The following TMEM117 variants were observed in gnomAD, a reference collection of about 807,000 sequenced individuals.
TMEM117 encodes the protein transmembrane protein 117.
Under a neutral mutation model 52.4 loss-of-function variants are expected in TMEM117, and 27 were observed. The observed-to-expected ratio is 0.51, with a 90% CI of 0.38 to 0.71. The LOEUF (loss-of-function observed/expected upper bound fraction) is 0.71, where lower values mean the gene tolerates loss of function less well. Among genes scored for constraint, TMEM117 ranks in the 30% least tolerant of loss-of-function variants. TMEM117 has a pLI of 0.00. For missense variants in TMEM117, 556 were observed against 630.5 expected, an observed-to-expected ratio of 0.88 and a Z score of 1.26; for synonymous variants, 215 against 206.3, an observed-to-expected ratio of 1.04 and a Z score of -0.36.
intron 2 of TMEM117, among the ~76,000 whole-genome samples, chr12:43,914,438 TA>T (rs1466473500): frequency 3.9e-5 from 6 of 152,192 alleles, no homozygotes; most frequent in Admixed American, 3.3e-4. Flanking sequence ...TTGAATGAAC[TA>T]ATTCATTTCA....
chr12:44,226,720 GAC>G (rs1304033103), intron 5 of TMEM117, among the ~76,000 whole-genome samples: 2 of 152,040 alleles, frequency 1.3e-5, no homozygotes, highest in South Asian at 2.1e-4. Flanking sequence ...TTAGGATACA[GAC>G]ACACACAGAG....
chr12:43,845,016 T>C (rs1409767118), intron 2 of TMEM117, 88 bp downstream of exon 2: 23 of 1,471,030 alleles, frequency 1.6e-5, no homozygotes, highest in East Asian at 9.1e-5. Flanking sequence ...TAAGTGCCAA[T>C]GTAGGAGGCA....
intron 3 of TMEM117, among the ~76,000 whole-genome samples, chr12:44,015,083 A>G (rs1279475990): frequency 6.6e-6 from 1 of 152,172 alleles, no homozygotes; most frequent in Non-Finnish European, 1.5e-5. Flanking sequence ...GAGATTTGAG[A>G]CACAGATGAT....
chr12:43,921,287 C>T (rs1163228188), intron 2 of TMEM117, among the ~76,000 whole-genome samples: 1 of 152,200 alleles, frequency 6.6e-6, no homozygotes. Context: ...TATACTCAAA[C>T]AGAGAGTCAA....
intron 3 of TMEM117, among the ~76,000 whole-genome samples, chr12:43,999,578 G>A (rs1336702024): frequency 6.6e-6 from 1 of 152,154 alleles, no homozygotes; most frequent in Non-Finnish European, 1.5e-5. Flanking sequence ...CTGGGCGGAA[G>A]TGTTTCCTAC....
chr12:44,120,234 C>T (rs770164315), intron 3 of TMEM117, among the ~76,000 whole-genome samples: 10 of 151,858 alleles, frequency 6.6e-5, no homozygotes, highest in South Asian at 4.2e-4. Context: ...ATCATTTTCC[C>T]GATGGCTGTC....
intron 2 of TMEM117, among the ~76,000 whole-genome samples, chr12:43,888,070 A>G (rs1315872272): frequency 6.6e-6 from 1 of 152,206 alleles, no homozygotes; most frequent in East Asian, 1.9e-4. Context: ...GTATAATACA[A>G]AAGTCTAGGT....
intron 4 of TMEM117, among the ~76,000 whole-genome samples, chr12:44,206,829 G>A (rs1394257334): frequency 6.6e-6 from 1 of 152,086 alleles, no homozygotes. Context: ...GAGGGTGAGA[G>A]GAGGGTGAGG....
At chr12:44,069,772 A>G (rs1056104823) in intron 3 of TMEM117, among the ~76,000 whole-genome samples, 3 of 152,266 alleles carry the variant, frequency 2.0e-5, no homozygotes, top group Admixed American at 6.5e-5. Flanking sequence ...ACTAATAGTA[A>G]TTTAAACAAA....
chr12:43,996,670 A>AAATAAATT (rs1261674632), intron 3 of TMEM117, among the ~76,000 whole-genome samples: 1 of 151,652 alleles, frequency 6.6e-6, no homozygotes, highest in South Asian at 2.1e-4. Context: ...ATAAATAAAT[A>AAATAAATT]AATTTAGGGA....
chr12:44,204,710 G>A (rs900034743), intron 4 of TMEM117, among the ~76,000 whole-genome samples: 2 of 152,014 alleles, frequency 1.3e-5, no homozygotes, highest in African/African-American at 2.4e-5. Context: ...CAAATACAGA[G>A]ACCAGTGGAA....
intron 4 of TMEM117, among the ~76,000 whole-genome samples, chr12:44,164,793 T>C (rs1948942991): frequency 6.6e-6 from 1 of 152,308 alleles, no homozygotes; most frequent in South Asian, 2.1e-4. Flanking sequence ...TATTTTGTAT[T>C]GATATACAAT....
chr12:44,075,173 T>C (rs780964694), intron 3 of TMEM117, among the ~76,000 whole-genome samples: 20 of 152,238 alleles, frequency 1.3e-4, no homozygotes, highest in Non-Finnish European at 2.2e-4. Flanking sequence ...TGAGCTATGC[T>C]CTCCTCTTAG....
intron 4 of TMEM117, among the ~76,000 whole-genome samples, chr12:44,186,508 T>C (rs899427874): frequency 7.2e-5 from 11 of 152,196 alleles, no homozygotes; most frequent in African/African-American, 2.7e-4. Context: ...CATCTCCATA[T>C]GTTGTGTCAC....
chr12:44,292,540 A>G (rs559850345), intron 5 of TMEM117, among the ~76,000 whole-genome samples: 1 of 152,070 alleles, frequency 6.6e-6, no homozygotes, highest in East Asian at 1.9e-4. Context: ...TCCTTGAGGT[A>G]TAAAATTTAG....
intron 5 of TMEM117, among the ~76,000 whole-genome samples, chr12:44,259,775 A>C (rs913429639): frequency 6.6e-6 from 1 of 152,214 alleles, no homozygotes; most frequent in East Asian, 1.9e-4. Flanking sequence ...GAATTAGAAA[A>C]AAAGCATTTG....
intron 2 of TMEM117, among the ~76,000 whole-genome samples, chr12:43,889,004 G>GT (rs1335474186): frequency 1.3e-5 from 2 of 152,034 alleles, no homozygotes; most frequent in Non-Finnish European, 2.9e-5. Context: ...GTGGAAGACA[G>GT]TTTTTTCAGT....
At chr12:43,885,828 G>C (rs1225221779) in intron 2 of TMEM117, among the ~76,000 whole-genome samples, 1 of 152,158 alleles carries the variant, frequency 6.6e-6, no homozygotes, top group Non-Finnish European at 1.5e-5. Context: ...AACCAGTGAA[G>C]GCTTCCTGGA....
chr12:43,798,976 A>G, the TMEM117 span, among the ~76,000 whole-genome samples: 1 of 152,212 alleles, frequency 6.6e-6, no homozygotes, highest in East Asian at 1.9e-4. Flanking sequence ...ATATATCTCT[A>G]TTCAAGTAGA....
Sources: allele counts gnomAD v4.1 joint callset (sites outside exome capture counted in the v4.1 genomes callset), GRCh38; gene constraint gnomAD v4.1.1; transcripts MANE v1.5; gene names NCBI Gene and HGNC (gene_info 2026-07-23, HGNC 2026-07-21).